The following SLC35E2B variants were observed in gnomAD, a reference collection of about 807,000 sequenced individuals.
SLC35E2B encodes solute carrier family 35 member E2B.
A neutral mutation model predicts 32.4 loss-of-function variants in SLC35E2B; 18 were observed. The observed-to-expected ratio is 0.56, with a 90% CI of 0.38 to 0.82. The LOEUF is 0.82. Ranked by LOEUF, SLC35E2B falls within the 40% of genes least tolerant of loss-of-function variation. The pLI is 0.00. For missense variants in SLC35E2B, 263 were observed against 469.5 expected (o/e 0.56, Z 4.06); for synonymous variants, 132 against 209.1 (o/e 0.63, Z 3.18).
At position 1,669,684 on chromosome 1, in the gene SLC35E2B, G is replaced by C; in HGVS notation, c.814C>G (p.Pro272Ala). Residue 272 changes from proline (P) to alanine (A), a missense_variant, in exon 8 of 10, where the codon CCG becomes GCG. By Grantham distance (27) the Pro-to-Ala change is conservative. Coordinates refer to ENST00000617444, the MANE Select transcript of SLC35E2B (RefSeq NM_001290264.2). ...CCCACCGTAAAGAAAACCCGGGCCG[G>C]GACGAGCATGGCCACCGCAGCGGCG... Reference protein sequence around the residue: ...TSAAAVAMLVPARVFFTDVPV... With the variant: ...TSAAAVAMLVAARVFFTDVPV... 6.5e-7 allele frequency: 1 copy of C among 1,530,082 alleles called. No individual in the cohort carries two copies. The highest frequency in any genetic ancestry group is 1.2e-5 in the South Asian group (1 of 83,560). 94.8% of individuals were successfully genotyped at this position (1,530,082 alleles called of 1,614,324 possible).
At position 1,668,539 on chromosome 1, in the gene SLC35E2B, C is replaced by T. The variant is rs1403302151; in HGVS notation, c.835-67G>A. The T allele has an allele frequency of 4.2e-5, 67 of 1,613,522 alleles. 2 individuals are homozygous for T. In the South Asian group the frequency reaches 6.0e-4, roughly 15 times the overall value. Reference sequence around the variant, plus strand: ...CCATTTACTAATCATCCACCAAAAACGCCCAGCGCCACTCCTGCCCAGAAA... The same window carrying T: ...CCATTTACTAATCATCCACCAAAAATGCCCAGCGCCACTCCTGCCCAGAAA... On this transcript the variant is annotated intron_variant, in intron 8 of 9. Coordinates refer to ENST00000617444, the MANE Select transcript of SLC35E2B (RefSeq NM_001290264.2).
chr1:1,667,758 C>A (rs1643583370), intron 9 of SLC35E2B, among the ~76,000 whole-genome samples: 1 of 152,118 alleles, frequency 6.6e-6, no homozygotes, highest in Non-Finnish European at 1.5e-5. Flanking sequence ...CACTCAATTT[C>A]AAAAACCTTC....
chr1:1,677,427 T>C (rs1319885502), intron 2 of SLC35E2B, among the ~76,000 whole-genome samples: 1 of 151,400 alleles, frequency 6.6e-6, no homozygotes, highest in Non-Finnish European at 1.5e-5. Flanking sequence ...ATGGGCTTTG[T>C]GGCTGCCGCT....
At chr1:1,669,798 C>A in intron 7 of SLC35E2B, 62 bp from the exon 8 acceptor site, 1 of 1,509,784 alleles carries the variant, frequency 6.6e-7, no homozygotes, top group South Asian at 1.2e-5. Flanking sequence ...ACACGCAGCT[C>A]CCTCACAGCA....
At chr1:1,677,431 T>C (rs1052724304) in intron 2 of SLC35E2B, among the ~76,000 whole-genome samples, 8 of 151,562 alleles carry the variant, frequency 5.3e-5, no homozygotes, top group African/African-American at 1.9e-4. Flanking sequence ...GCTTTGTGGC[T>C]GCCGCTGTCG....
chr1:1,667,669 C>T (rs1643581404), intron 9 of SLC35E2B, among the ~76,000 whole-genome samples: 1 of 152,102 alleles, frequency 6.6e-6, no homozygotes, highest in South Asian at 2.1e-4. Flanking sequence ...GTGGCTCCTG[C>T]ACTGGACAGC....
rs1019595707 is a variant in SLC35E2B, at chr1:1,683,440, G to A, written c.-147-6594C>T. 1.6e-4 allele frequency among the ~76,000 whole-genome samples: 24 copies of A among 152,186 alleles called. 1 individual carries two copies. The highest frequency in any genetic ancestry group is 4.8e-4 in the African/African-American group (20 of 41,428). On this transcript the variant is annotated intron_variant, in intron 2 of 9. Transcript: ENST00000617444. ...CTACAGAACTGCAGAAAGCACTTAC[G>A]TTAAAAGAAAACAGAGGAGCAGCCG...
intron 2 of SLC35E2B, among the ~76,000 whole-genome samples, chr1:1,682,938 G>A (rs866956583): frequency 9.2e-5 from 14 of 152,002 alleles, no homozygotes; most frequent in Non-Finnish European, 1.9e-4. Flanking sequence ...TTAGCCAGGT[G>A]TGGTTGTGGG....
rs528673178 is a variant in SLC35E2B, at chr1:1,666,023, C to T, written c.981-4G>A. ...ATGTTTCACGGTGCTGGCGACGCTG[C>T]GGAGGCAAGGGGAGGCAGCAGGGGC... On this transcript the variant is annotated splice_polypyrimidine_tract_variant and splice_region_variant and intron_variant, in intron 9 of 9. Coordinates refer to ENST00000617444, the MANE Select transcript of SLC35E2B (RefSeq NM_001290264.2). 697 of 1,549,080 alleles carry T rather than the reference C, an allele frequency of 4.5e-4. 10 individuals carry two copies. In the South Asian group the frequency reaches 6.5e-3, roughly 14 times the overall value.
intron 2 of SLC35E2B, among the ~76,000 whole-genome samples, chr1:1,680,805 CTTTTT>C (rs751698818): frequency 2.1e-5 from 3 of 141,452 alleles, no homozygotes; most frequent in African/African-American, 7.7e-5. Flanking sequence ...GCTGCTTATT[CTTTTT>C]TTTTTTTTTT....
intron 2 of SLC35E2B, among the ~76,000 whole-genome samples, chr1:1,690,234 C>T (rs1211929699): frequency 1.4e-5 from 2 of 143,714 alleles, no homozygotes; most frequent in Admixed American, 7.0e-5. Context: ...GAGCCAAGAT[C>T]GCGCCATTGC....
At position 1,665,751 on chromosome 1, in the gene SLC35E2B, G is replaced by A. The variant is rs971543841; in HGVS notation, c.*31C>T. 1.7e-5 allele frequency: 26 copies of A among 1,545,760 alleles called. No homozygotes were observed. The highest frequency in any genetic ancestry group is 9.6e-5 in the African/African-American group (7 of 72,970). ...CCATTTCTGGGGGATGCAGTGTCAC[G>A]AGGACAGCAGCAGCTGGCAGCTTCC... On this transcript the variant is annotated 3_prime_UTR_variant, in exon 10 of 10. Transcript: ENST00000617444.
intron 2 of SLC35E2B, among the ~76,000 whole-genome samples, chr1:1,688,502 A>C (rs112446202): frequency 0.025 from 3,825 of 151,576 alleles, 22 homozygotes; most frequent in Non-Finnish European, 0.037. Context: ...CAGGAGGCTG[A>C]GCCAGGAGAA....
At chr1:1,668,554 C>T in intron 8 of SLC35E2B, 82 bp from the exon 9 acceptor site, 2 of 1,611,360 alleles carry the variant, frequency 1.2e-6, no homozygotes, top group Non-Finnish European at 1.7e-6. Flanking sequence ...AGCGCCACTC[C>T]TGCCCAGAAA....
chr1:1,669,825 C>T, intron 7 of SLC35E2B, 89 bp from the exon 8 acceptor site: 1 of 1,352,762 alleles, frequency 7.4e-7, no homozygotes, highest in African/African-American at 1.4e-5. Flanking sequence ...CCCAGGCACC[C>T]CAGCCCAGAA....
intron 8 of SLC35E2B, among the ~76,000 whole-genome samples, chr1:1,669,350 C>G (rs1277189191): frequency 6.6e-6 from 1 of 151,094 alleles, no homozygotes; most frequent in Non-Finnish European, 1.5e-5. Flanking sequence ...CAGAGCGAGA[C>G]TCTTTATAAA....
intron 2 of SLC35E2B, among the ~76,000 whole-genome samples, chr1:1,687,756 A>G (rs1233804998): frequency 1.3e-5 from 2 of 149,544 alleles, no homozygotes; most frequent in Non-Finnish European, 3.0e-5. Context: ...AAAAAGATTA[A>G]TCCTGGCGGG....
rs539438648 is a variant in SLC35E2B at position 1,665,830 on chromosome 1, G to A, written c.1170C>T (p.Asp390=). The change falls in exon 10 of 10, where the codon GAC becomes GAT. Residue 390 remains aspartate, a synonymous_variant. Coordinates refer to ENST00000617444, the MANE Select transcript of SLC35E2B (RefSeq NM_001290264.2). ...SLAAATGRAP[D]DTVEPLLPQD... is the part of the protein sequence containing the mutation. ...GTGGAAGCAGCGGCTCCACTGTGTC[G>A]TCTGGGGCCCGGCCAGTGGCTGCAG... The A allele has an allele frequency of 1.3e-4, 203 of 1,550,952 alleles. No homozygotes were observed. Among genetic ancestry groups the A allele is most frequent in the East Asian group, 5.6e-4 (23 of 40,926 alleles).
Position 1,671,639 on chromosome 1 carries a change from G to C in SLC35E2B, c.587-10C>G. 3.9e-6 allele frequency: 6 copies of C among 1,533,138 alleles called. No homozygotes were observed. The highest frequency in any genetic ancestry group is 1.4e-5 in the African/African-American group (1 of 72,516). The allele number at this position is 1,533,138 out of a possible 1,614,324, so 95.0% of individuals were successfully genotyped here. On this transcript the variant is annotated splice_polypyrimidine_tract_variant and intron_variant, in intron 5 of 9. Coordinates refer to ENST00000617444, the MANE Select transcript of SLC35E2B (RefSeq NM_001290264.2). ...AGGTTGACCAGCAGCCCTGGCGAGA[G>C]GACAGCCCCTGTGAGTGGCTGACCC...
Sources: allele counts gnomAD v4.1 joint callset (sites outside exome capture counted in the v4.1 genomes callset), GRCh38; gene constraint gnomAD v4.1.1; transcripts MANE v1.5; gene names NCBI Gene and HGNC (gene_info 2026-07-23, HGNC 2026-07-21).